Variants in AKAP9 observed in about 807,000 individuals in gnomAD.
The protein encoded by AKAP9 is A-kinase anchor protein 9.
A neutral mutation model predicts 488.5 loss-of-function variants in AKAP9; 311 were observed. The ratio of observed to expected loss-of-function variants is 0.64; its 90% CI spans 0.58 to 0.70. The LOEUF (loss-of-function observed/expected upper bound fraction) is 0.70. Among genes scored for constraint, AKAP9 ranks in the 30% least tolerant of loss-of-function variants. The probability of loss-of-function intolerance (pLI) is 0.00; values close to 1 mark genes in which losing one functional copy is unlikely to be tolerated. For synonymous variants in AKAP9, 1,462 were observed against 1,483.5 expected, an observed-to-expected ratio of 0.99 and a Z score of 0.33; for missense variants, 4,215 against 4,374.5, an observed-to-expected ratio of 0.96 and a Z score of 1.03.
At position 91,950,074 on chromosome 7, in the gene AKAP9, T is replaced by C. The variant is rs190115649; in HGVS notation, c.48+8927T>C. On this transcript the variant is annotated intron_variant, in intron 1 of 49. Coordinates refer to ENST00000356239, the MANE Select transcript of AKAP9 (RefSeq NM_005751.5). Reference sequence around the variant, plus strand: ...CTGTAAAGATTGATTTCATAGGTTCTCTGATTTACAGATCTCTGAAAAACT... The same window carrying C: ...CTGTAAAGATTGATTTCATAGGTTCCCTGATTTACAGATCTCTGAAAAACT... Among the ~76,000 whole-genome samples the C allele has an allele frequency of 3.0e-3, 452 of 152,310 alleles. 1 individual carries two copies. Among genetic ancestry groups the C allele is most frequent in the Non-Finnish European group, 5.0e-3 (339 of 68,034 alleles).
At chr7:91,954,570 A>C (rs1381272452) in intron 1 of AKAP9, among the ~76,000 whole-genome samples, 2 of 152,250 alleles carry the variant, frequency 1.3e-5, no homozygotes, top group Non-Finnish European at 2.9e-5. Flanking sequence ...GCCCAGCCCC[A>C]GTAAATATAC....
At chr7:92,073,081 G>A (rs1248589572) in intron 28 of AKAP9, among the ~76,000 whole-genome samples, 1 of 152,150 alleles carries the variant, frequency 6.6e-6, no homozygotes, top group Non-Finnish European at 1.5e-5. Context: ...TCAACATTTA[G>A]TGAGCTCTTA....
intron 1 of AKAP9, among the ~76,000 whole-genome samples, chr7:91,961,555 T>C (rs1793731235): frequency 6.6e-6 from 1 of 151,952 alleles, no homozygotes; most frequent in African/African-American, 2.4e-5. Context: ...GTTAAAAATA[T>C]TGAGTTTGGC....
chr7:91,953,805 A>G (rs1327304892), intron 1 of AKAP9, among the ~76,000 whole-genome samples: 6 of 99,686 alleles, frequency 6.0e-5, no homozygotes, highest in African/African-American at 1.7e-4. Context: ...TTATTTCTTT[A>G]CCCCCCGCCC....
In AKAP9 at chr7:92,097,032, G is replaced by A. The variant is rs776193956; in HGVS notation, c.10073G>A (p.Arg3358His). The stretch of plus-strand genomic sequence containing the variant: ...AAACAGCTAGAGGAAAAACACAGTC[G>A]CATAGTAGAATTGTTAAATGAGACT... ...LQKQLEEKHS[R>H]IVELLNETEK... Residue 3358 changes from arginine (R) to histidine (H), a missense_variant, in exon 41 of 50, where the codon CGC becomes CAC. This residue lies in a region of AKAP9 where 1,476 missense variants were observed against 1,477.4 expected (regional missense o/e 1.00). Coordinates refer to ENST00000356239, the MANE Select transcript of AKAP9 (RefSeq NM_005751.5). The A allele has an allele frequency of 1.4e-5, 22 of 1,614,048 alleles. No individual in the cohort carries two copies. The highest frequency in any genetic ancestry group is 9.9e-5 in the South Asian group (9 of 91,086).
rs991723345 is a variant in AKAP9, at chr7:92,070,121, A to C, written c.6422A>C (p.Glu2141Ala). The part of the protein sequence containing the change: ...SKEQLQRDIQ[E>A]RNEEIEKLEF... Reference sequence around the variant, plus strand: ...GAGCAGCTTCAAAGGGATATACAAGAAAGGAATGAAGAAATAGAGAAACTG... The same window carrying C: ...GAGCAGCTTCAAAGGGATATACAAGCAAGGAATGAAGAAATAGAGAAACTG... The change falls in exon 27 of 50, where the codon GAA becomes GCA. Residue 2141 changes from glutamate (E) to alanine (A), a missense_variant. By Grantham distance (107) the Glu-to-Ala change is moderately radical. Around this residue, in one of 5 missense-constraint regions of AKAP9, gnomAD observed 2,361 missense variants for 2,430.0 expected, o/e 0.97. Coordinates refer to ENST00000356239, the MANE Select transcript of AKAP9 (RefSeq NM_005751.5). 6.2e-7 allele frequency: 1 copy of C among 1,614,122 alleles called. No homozygotes were observed. Among genetic ancestry groups the C allele is most frequent in the African/African-American group, 1.3e-5 (1 of 75,040 alleles).
chr7:92,023,614 A>G (rs1020690739), intron 14 of AKAP9, among the ~76,000 whole-genome samples: 1 of 152,132 alleles, frequency 6.6e-6, no homozygotes, highest in Non-Finnish European at 1.5e-5. Context: ...TTTTGTCTCA[A>G]CTGGATTACC....
chr7:91,948,772 C>G (rs367622656), intron 1 of AKAP9, among the ~76,000 whole-genome samples: 69 of 151,888 alleles, frequency 4.5e-4, no homozygotes, highest in African/African-American at 1.5e-3. Context: ...CCACCATGCC[C>G]GATTAATTTT....
Position 92,068,226 on chromosome 7 carries a change from C to T in AKAP9, c.6330+1680C>T, listed in dbSNP as rs191467066. Among the ~76,000 whole-genome samples, 92 of 151,526 alleles carry T rather than the reference C, an allele frequency of 6.1e-4. 1 individual carries two copies. The East Asian group carries it at 0.013, about 21-fold the overall frequency. ...ATACAAAAAAAAAAAATTAGCCAGG[C>T]GTGGTGGCGGGCACCTGTAGTCCTA... On this transcript the variant is annotated intron_variant, in intron 26 of 49. Transcript: ENST00000356239.
At chr7:91,983,718 C>A (rs185476101) in intron 3 of AKAP9, among the ~76,000 whole-genome samples, 13 of 152,320 alleles carry the variant, frequency 8.5e-5, no homozygotes, top group Admixed American at 8.5e-4. Flanking sequence ...CACCAACTGT[C>A]TTCCACAATG....
At chr7:92,051,832 A>T (rs1808033573) in intron 21 of AKAP9, among the ~76,000 whole-genome samples, 1 of 152,216 alleles carries the variant, frequency 6.6e-6, no homozygotes, top group Non-Finnish European at 1.5e-5. Context: ...TAATAAAAGA[A>T]TAGGTAATGC....
intron 14 of AKAP9, among the ~76,000 whole-genome samples, chr7:92,028,499 A>C (rs1312959562): frequency 6.6e-6 from 1 of 152,096 alleles, no homozygotes; most frequent in Non-Finnish European, 1.5e-5. Flanking sequence ...GTAATAAAGA[A>C]AAAGCAGGAA....
At chr7:92,031,975 T>C (rs1047956661) in intron 16 of AKAP9, among the ~76,000 whole-genome samples, 1 of 152,306 alleles carries the variant, frequency 6.6e-6, no homozygotes, top group African/African-American at 2.4e-5. Flanking sequence ...CAGAGAAGTT[T>C]TGTTAGGTAA....
intron 11 of AKAP9, 22 bp from the exon 12 acceptor site, chr7:92,016,995 T>A: frequency 6.8e-7 from 1 of 1,469,902 alleles, no homozygotes. Context: ...GAAATTATTG[T>A]AATTGTTTGT....
Position 92,046,540 on chromosome 7 carries a change from T to C in AKAP9, c.5368+1327T>C, listed in dbSNP as rs541044460. On this transcript the variant is annotated intron_variant, in intron 21 of 49. Coordinates refer to ENST00000356239, the MANE Select transcript of AKAP9 (RefSeq NM_005751.5). ...TGATTTTTAAACACCTTAGCTGAGT[T>C]CAAAGATAGTTTTAAAAATTGTTTT... 2.0e-5 allele frequency among the ~76,000 whole-genome samples: 3 copies of C among 152,324 alleles called. No homozygotes were observed. In the South Asian group the frequency reaches 6.2e-4, roughly 32 times the overall value.
intron 7 of AKAP9, among the ~76,000 whole-genome samples, 155 bp from the exon 8 acceptor site, chr7:92,000,693 A>T (rs1482912327): frequency 1.3e-5 from 2 of 152,192 alleles, no homozygotes; most frequent in Admixed American, 6.5e-5. Flanking sequence ...AAGTGTCATT[A>T]TTGTGGAAAA....
Position 92,001,072 on chromosome 7 carries a change from AAAAG to A in AKAP9, c.1161_1164del (p.Glu387AspfsTer7). 1 of 1,613,230 alleles carries A rather than the reference AAAAG, an allele frequency of 6.2e-7. No homozygotes were observed. Among genetic ancestry groups the A allele is most frequent in the Non-Finnish European group, 8.5e-7 (1 of 1,179,568 alleles). The stretch of plus-strand genomic sequence containing the variant: ...AATTAGAGCTGACTAATTCTAAGCA[AAAAG>A]AAAGACAGTCTTCTGAAGAAATAAA... On this transcript the variant is annotated frameshift_variant, in exon 8 of 50. Transcript: ENST00000356239. LOFTEE classifies it high-confidence loss of function.
chr7:92,070,319 G>A (rs1012216353), intron 27 of AKAP9, 113 bp downstream of exon 27: 5 of 1,188,222 alleles, frequency 4.2e-6, no homozygotes, highest in Non-Finnish European at 6.2e-6. Context: ...TGTTGACATT[G>A]TAACCATTTC....
chr7:91,987,727 A>T (rs1300332581), intron 3 of AKAP9, among the ~76,000 whole-genome samples: 1 of 152,230 alleles, frequency 6.6e-6, no homozygotes, highest in Non-Finnish European at 1.5e-5. Context: ...CTCAACTAGA[A>T]TTACAGGAGA....
Sources: gnomAD v4.1 joint callset for allele counts (sites outside exome capture counted in the v4.1 genomes callset) on GRCh38, gnomAD v4.1.1 for gene constraint, gnomAD v4.1.1 regional missense constraint, MANE v1.5 for transcripts, NCBI Gene and HGNC (gene_info 2026-07-23, HGNC 2026-07-21) for gene names.